The following PPIL2 variants were observed in gnomAD, a reference collection of about 807,000 sequenced individuals.
PPIL2 encodes peptidylprolyl isomerase like 2.
PPIL2 carries 50 observed loss-of-function variants against 75.2 expected under a neutral mutation model. The observed-to-expected ratio is 0.66, with a 90% CI of 0.53 to 0.84. The LOEUF (loss-of-function observed/expected upper bound fraction) is 0.84. Among genes scored for constraint, PPIL2 ranks in the 40% least tolerant of loss-of-function variants. The pLI is 0.00. For synonymous variants in PPIL2, 245 were observed against 258.8 expected (o/e 0.95, Z 0.51); for missense variants, 590 against 685.0 (o/e 0.86, Z 1.55).
chr22:21,671,787 A>AT (rs1390068120), intron 4 of PPIL2, among the ~76,000 whole-genome samples: 1 of 151,938 alleles, frequency 6.6e-6, no homozygotes, highest in Non-Finnish European at 1.5e-5. Context: ...GTGGTGGCTT[A>AT]TGTCTGTAGT....
intron 6 of PPIL2, among the ~76,000 whole-genome samples, chr22:21,677,302 G>C (rs113509137): frequency 6.6e-6 from 1 of 152,050 alleles, no homozygotes; most frequent in Admixed American, 6.6e-5. Flanking sequence ...GGTGGCGGCC[G>C]GGCAGAGGCT....
At chr22:21,682,085 G>C (rs933635173) in intron 7 of PPIL2, among the ~76,000 whole-genome samples, 1 of 152,258 alleles carries the variant, frequency 6.6e-6, no homozygotes, top group Admixed American at 6.5e-5. Context: ...TGTGTGCACA[G>C]CCCCTGCCCA....
At chr22:21,682,350 C>A in intron 7 of PPIL2, 87 bp from the exon 8 acceptor site, 1 of 1,146,294 alleles carries the variant, frequency 8.7e-7, no homozygotes, top group Non-Finnish European at 1.3e-6. Context: ...GTGCCATGGT[C>A]GGGGCCAGCT....
intron 15 of PPIL2, among the ~76,000 whole-genome samples, chr22:21,690,926 G>GAAAC (rs2067593118): frequency 6.8e-6 from 1 of 147,792 alleles, no homozygotes; most frequent in African/African-American, 2.5e-5. Context: ...ACCAGCCTGT[G>GAAAC]AAACTGCTGA....
Position 21,688,088 on chromosome 22 carries a change from C to A in PPIL2, c.1003C>A (p.Pro335Thr), listed in dbSNP as rs141789375. The change falls in exon 14 of 20, where the codon CCC becomes ACC. Residue 335 changes from proline to threonine, a missense_variant. Pro to Thr is a conservative substitution (Grantham distance 38, BLOSUM62 -1). Coordinates refer to ENST00000398831, the MANE Select transcript of PPIL2 (RefSeq NM_014337.4). Reference sequence around the variant, plus strand: ...GTTTTCACAGATCCAAGGGGGCGACCCCACAGGCACAGGCACGGGTAGGTA... The same window carrying A: ...GTTTTCACAGATCCAAGGGGGCGACACCACAGGCACAGGCACGGGTAGGTA... The part of the protein sequence containing the change: ...IRNFVIQGGD[P>T]TGTGTGGESY... The A allele has an allele frequency of 5.9e-3, 9,560 of 1,614,192 alleles. 40 individuals carry two copies. The highest frequency in any genetic ancestry group is 7.3e-3 in the Non-Finnish European group (8,565 of 1,180,026).
At chr22:21,668,301 CACA>C (rs1296452214) in intron 1 of PPIL2, among the ~76,000 whole-genome samples, 3 of 151,984 alleles carry the variant, frequency 2.0e-5, no homozygotes, top group South Asian at 2.1e-4. Flanking sequence ...GTGGCTTAGA[CACA>C]ACAACTGACC....
chr22:21,692,423 G>A (rs556034869), intron 15 of PPIL2, among the ~76,000 whole-genome samples: 5 of 151,894 alleles, frequency 3.3e-5, no homozygotes, highest in Admixed American at 6.5e-5. Context: ...CAAAGTGCTG[G>A]GATTACAGGC....
At chr22:21,670,727 C>A in intron 3 of PPIL2, 116 bp downstream of exon 3, 1 of 1,166,862 alleles carries the variant, frequency 8.6e-7, no homozygotes, top group Non-Finnish European at 1.3e-6. Flanking sequence ...GAAGATGTGG[C>A]CCTTCAGTTC....
In PPIL2 at chr22:21,681,350, T is replaced by G. The variant is rs2067122536; in HGVS notation, c.347T>G (p.Ile116Ser). The G allele has an allele frequency of 6.2e-7, 1 of 1,614,028 alleles. No homozygotes were observed. Reference sequence around the variant, plus strand: ...ACCGTGTTCACCAACAACACCCACATCGTGGCTGTGAGGACGACCGGCAAC... The same window carrying G: ...ACCGTGTTCACCAACAACACCCACAGCGTGGCTGTGAGGACGACCGGCAAC... The part of the protein sequence containing the change: ...LFTVFTNNTH[I>S]VAVRTTGNVY... Residue 116 changes from isoleucine to serine, a missense_variant, in exon 7 of 20, where the codon ATC (isoleucine) becomes AGC (serine). Transcript: ENST00000398831.
intron 4 of PPIL2, among the ~76,000 whole-genome samples, chr22:21,671,607 T>G (rs1022409132): frequency 2.6e-5 from 4 of 152,078 alleles, no homozygotes; most frequent in Admixed American, 1.3e-4. Flanking sequence ...AGGGTCTCAC[T>G]ATGTTGCCCA....
chr22:21,666,362 C>G (rs1051550007), intron 1 of PPIL2, among the ~76,000 whole-genome samples: 3 of 152,310 alleles, frequency 2.0e-5, no homozygotes, highest in Admixed American at 6.5e-5. Flanking sequence ...GAGCGCAGCC[C>G]GGTTTTCCTT....
chr22:21,680,563 C>T (rs2067072111), intron 6 of PPIL2, among the ~76,000 whole-genome samples: 1 of 150,290 alleles, frequency 6.7e-6, no homozygotes, highest in African/African-American at 2.5e-5. Context: ...GGTGCAGTGG[C>T]TCACACCTGT....
rs1009102430 is a variant in PPIL2 at position 21,696,558 on chromosome 22, T to G, written c.*1068T>G. On this transcript the variant is annotated 3_prime_UTR_variant, in exon 20 of 20. Coordinates refer to ENST00000398831, the MANE Select transcript of PPIL2 (RefSeq NM_014337.4). ...GTTAAATGTGCCCCTGGCTGGCTTT[T>G]TCTTCGTCTTCAGCCCAGGCCAGTG... 6 of 1,390,306 alleles carry G rather than the reference T, an allele frequency of 4.3e-6. No individual in the cohort carries two copies. The highest frequency in any genetic ancestry group is 5.6e-6 in the Non-Finnish European group (6 of 1,071,798). 86.1% of individuals were successfully genotyped at this position (1,390,306 alleles called of 1,614,324 possible).
chr22:21,670,918 G>A, intron 3 of PPIL2, 79 bp from the exon 4 acceptor site: 9 of 1,368,874 alleles, frequency 6.6e-6, no homozygotes, highest in South Asian at 1.2e-5. Flanking sequence ...ATTTCAGGAG[G>A]TCACCATGCC....
At chr22:21,686,686 C>A in intron 11 of PPIL2, 128 bp downstream of exon 11, 2 of 1,088,598 alleles carry the variant, frequency 1.8e-6, no homozygotes, top group Non-Finnish European at 2.7e-6. Context: ...CCTAGTCCTC[C>A]CCCTCTTAGC....
Position 21,694,759 on chromosome 22 carries a change from A to T in PPIL2, c.1274A>T (p.Glu425Val). Residue 425 changes from glutamate (E) to valine (V), a missense_variant, in exon 18 of 20, where the codon GAG becomes GTG. By Grantham distance (121) the Glu-to-Val change is moderately radical (BLOSUM62 -2). Coordinates refer to ENST00000398831, the MANE Select transcript of PPIL2 (RefSeq NM_014337.4). ...SDPKTDRPKE[E>V]IRIDATTVFV... The stretch of plus-strand genomic sequence containing the variant: ...CTGAGCCCCCTTTGCTGCTAGGAGG[A>T]GATCCGCATTGATGCCACTACAGTG... 1 of 1,609,986 alleles carries T rather than the reference A, an allele frequency of 6.2e-7. No homozygotes were observed. Among genetic ancestry groups the T allele is most frequent in the Non-Finnish European group, 8.5e-7 (1 of 1,177,452 alleles).
At chr22:21,684,472 A>AG (rs1199030711) in intron 9 of PPIL2, among the ~76,000 whole-genome samples, 6 of 148,192 alleles carry the variant, frequency 4.0e-5, no homozygotes, top group Non-Finnish European at 7.4e-5. Flanking sequence ...AAAAAAAAAA[A>AG]AAAGAAAAAA....
At chr22:21,683,155 C>T (rs773062415) in intron 8 of PPIL2, 27 bp from the exon 9 acceptor site, 1 of 1,591,940 alleles carries the variant, frequency 6.3e-7, no homozygotes, top group South Asian at 1.1e-5. Flanking sequence ...TGGGTTCACT[C>T]TGCTGGGCAT....
chr22:21,698,317 A>G (rs1036626295), downstream of PPIL2: 3 of 152,282 alleles, frequency 2.0e-5, no homozygotes, highest in Non-Finnish European at 4.4e-5. Flanking sequence ...TGTTCAATCA[A>G]TGCCGTCACA....
Sources: allele counts gnomAD v4.1 joint callset (sites outside exome capture counted in the v4.1 genomes callset), GRCh38; gene constraint gnomAD v4.1.1; transcripts MANE v1.5; gene names NCBI Gene and HGNC (gene_info 2026-07-23, HGNC 2026-07-21).